ANGEL1: variants seen among roughly 807,000 people sequenced by gnomAD.
The protein encoded by ANGEL1 is angel homolog 1, also known as RNA 2',3'-cyclic phosphatase ANGEL1.
ANGEL1 carries 62 observed loss-of-function variants against 76.4 expected under a neutral mutation model. The ratio of observed to expected loss-of-function variants is 0.81; its 90% CI spans 0.66 to 1.00. The LOEUF (loss-of-function observed/expected upper bound fraction) is 1.00. Among genes scored for constraint, ANGEL1 ranks in the 50% least tolerant of loss-of-function variants. ANGEL1 has a pLI of 0.00. For missense variants in ANGEL1, 737 were observed against 836.7 expected (o/e 0.88, Z 1.47); for synonymous variants, 340 against 331.7 (o/e 1.03, Z -0.27).
rs1894400625 is a variant in ANGEL1 at position 76,791,358 on chromosome 14, C to T, written c.1627G>A (p.Ala543Thr). The change falls in exon 8 of 10, where the codon GCG becomes ACG. Residue 543 changes from alanine (A) to threonine (T), a missense_variant. Transcript: ENST00000251089. ...GVTDTKPERP[A>T]GWAESVLEED... ...TCAAGGACAGACTCAGCCCAACCCGCAGGTCGCTCTGCAGAGGACCAGAGA... is the reference window on the plus strand; with the variant it reads ...TCAAGGACAGACTCAGCCCAACCCGTAGGTCGCTCTGCAGAGGACCAGAGA... 1 of 1,613,950 alleles carries T rather than the reference C, an allele frequency of 6.2e-7. No homozygotes were observed. The highest frequency in any genetic ancestry group is 1.7e-5 in the Admixed American group (1 of 60,004).
intron 1 of ANGEL1, among the ~76,000 whole-genome samples, chr14:76,810,557 A>G (rs1405485758): frequency 1.3e-5 from 2 of 152,234 alleles, no homozygotes; most frequent in South Asian, 2.1e-4. Flanking sequence ...AAAAAGTCCT[A>G]AAGTAGACAG....
chr14:76,795,108 C>A (rs1894538607), intron 7 of ANGEL1, among the ~76,000 whole-genome samples: 1 of 152,054 alleles, frequency 6.6e-6, no homozygotes. Context: ...TTTCTTTAAT[C>A]AAGATGCTGT....
chr14:76,793,437 A>AGG (rs1894479337), intron 7 of ANGEL1, among the ~76,000 whole-genome samples: 2 of 22,692 alleles, frequency 8.8e-5, no homozygotes, highest in African/African-American at 3.6e-4. Flanking sequence ...GAGGAGGAGG[A>AGG]GGAGGGGAGG....
chr14:76,810,761 A>G (rs954109184), intron 1 of ANGEL1, among the ~76,000 whole-genome samples: 11 of 152,250 alleles, frequency 7.2e-5, no homozygotes, highest in African/African-American at 2.7e-4. Flanking sequence ...TGCAGCCACC[A>G]ATGACAGCCA....
At chr14:76,810,182 G>A (rs185584983) in intron 1 of ANGEL1, 1 of 454,782 alleles carries the variant, frequency 2.2e-6, no homozygotes, top group Admixed American at 2.4e-5. Flanking sequence ...TTGGGAGGCA[G>A]AGACAGAGGC....
At chr14:76,811,929 C>T (rs1895099322) in intron 1 of ANGEL1, among the ~76,000 whole-genome samples, 1 of 152,140 alleles carries the variant, frequency 6.6e-6, no homozygotes, top group Non-Finnish European at 1.5e-5. Flanking sequence ...AAAGGAAAAC[C>T]ACAGAATATA....
At chr14:76,796,410 G>A (rs1181746535) in intron 7 of ANGEL1, among the ~76,000 whole-genome samples, 1 of 151,562 alleles carries the variant, frequency 6.6e-6, no homozygotes, top group Non-Finnish European at 1.5e-5. Flanking sequence ...ACTACGCCAG[G>A]CTAATTTTTC....
chr14:76,806,607 G>A lies in ANGEL1; in HGVS notation c.1189C>T (p.Pro397Ser). 2.5e-6 allele frequency: 4 copies of A among 1,614,190 alleles called. No individual in the cohort carries two copies. Among genetic ancestry groups the A allele is most frequent in the Non-Finnish European group, 3.4e-6 (4 of 1,180,034 alleles). ...CVANTHILYNPRRGDVKLAQM... is the reference protein window; with the variant it reads ...CVANTHILYNSRRGDVKLAQM... Reference sequence around the variant, plus strand: ...GCCAGCTTGACATCGCCCCGGCGTGGGTTGTAAAGGATATGGGTATTTGCC... The same window carrying A: ...GCCAGCTTGACATCGCCCCGGCGTGAGTTGTAAAGGATATGGGTATTTGCC... Residue 397 changes from proline (P) to serine (S), a missense_variant, in exon 5 of 10, where the codon CCA (proline) becomes TCA (serine). Coordinates refer to ENST00000251089, the MANE Select transcript of ANGEL1 (RefSeq NM_015305.4).
chr14:76,803,650 T>C, intron 6 of ANGEL1, 136 bp downstream of exon 6: 4 of 1,407,052 alleles, frequency 2.8e-6, no homozygotes, highest in Non-Finnish European at 2.9e-6. Context: ...TGGACAGCCA[T>C]TGGGAGGATA....
Position 76,789,127 on chromosome 14 carries a change from A to G in ANGEL1, c.*101T>C. 13 of 1,443,766 alleles carry G rather than the reference A, an allele frequency of 9.0e-6. No individual in the cohort carries two copies. Among genetic ancestry groups the G allele is most frequent in the Non-Finnish European group, 1.1e-5 (12 of 1,059,404 alleles). The allele number at this position is 1,443,766 out of a possible 1,614,324, so 89.4% of individuals were successfully genotyped here. A position where few individuals can be genotyped will look rare whatever the true frequency, so the allele number is the denominator to read the frequency against. ...CGAGGAGGGGGAAGGGAGGGGATGT[A>G]AGTTTCTTGGATCTAAGTTTCTAGA... On this transcript the variant is annotated 3_prime_UTR_variant, in exon 10 of 10. Coordinates refer to ENST00000251089, the MANE Select transcript of ANGEL1 (RefSeq NM_015305.4).
chr14:76,806,518 G>A lies in ANGEL1; in HGVS notation c.1278C>T (p.Cys426=), dbSNP rs1201944998. Reference sequence around the variant, plus strand: ...TTAGGTCCCCGCACAAGATGATGGGGCAGTGGCTGCCATCTGACAGTCTGG... The same window carrying A: ...TTAGGTCCCCGCACAAGATGATGGGACAGTGGCTGCCATCTGACAGTCTGG... ...KVARLSDGSH[C]PIILCGDLNS... is the part of the protein sequence containing the mutation. Residue 426 remains cysteine, a synonymous_variant, in exon 5 of 10, where the codon TGC becomes TGT. Transcript: ENST00000251089. 1.1e-5 allele frequency: 18 copies of A among 1,614,068 alleles called. No individual in the cohort carries two copies. The highest frequency in any genetic ancestry group is 3.3e-4 in the Middle Eastern group (2 of 6,082).
At chr14:76,792,080 C>T (rs539413563) in intron 7 of ANGEL1, among the ~76,000 whole-genome samples, 1 of 152,110 alleles carries the variant, frequency 6.6e-6, no homozygotes, top group East Asian at 1.9e-4. Flanking sequence ...GCCATCACCA[C>T]CAACCATTTA....
chr14:76,793,411 A>G (rs1894474514), intron 7 of ANGEL1, among the ~76,000 whole-genome samples: 1 of 29,396 alleles, frequency 3.4e-5, no homozygotes, highest in Non-Finnish European at 7.1e-5. Context: ...AGGGGATAAA[A>G]GGAAAGAGGA....
At chr14:76,800,813 A>T (rs2140220844) in intron 7 of ANGEL1, among the ~76,000 whole-genome samples, 1 of 152,234 alleles carries the variant, frequency 6.6e-6, no homozygotes, top group Admixed American at 6.5e-5. Context: ...TCTACTAAAA[A>T]TACAAAAAAA....
Position 76,812,877 on chromosome 14 carries a change from T to TC in ANGEL1, c.-51dup. On this transcript the variant is annotated 5_prime_UTR_variant, in exon 1 of 10. Transcript: ENST00000251089. ...GCTCCTCACTGCAGCCAGCAGGTCC[T>TC]CCCTCAGCTCGGCCCCGCCCCCGGC... 1 of 1,465,202 alleles carries TC rather than the reference T, an allele frequency of 6.8e-7. No individual in the cohort carries two copies. Among genetic ancestry groups the TC allele is most frequent in the Non-Finnish European group, 9.0e-7 (1 of 1,109,470 alleles). The allele number at this position is 1,465,202 out of a possible 1,614,324, so 90.8% of individuals were successfully genotyped here. A position where few individuals can be genotyped will look rare whatever the true frequency, so the allele number is the denominator to read the frequency against.
rs370876261 is a variant in ANGEL1 at position 76,806,651 on chromosome 14, G to A, written c.1145C>T (p.Ser382Leu). The A allele has an allele frequency of 1.7e-5, 28 of 1,613,858 alleles. No homozygotes were observed. The highest frequency in any genetic ancestry group is 3.3e-4 in the Middle Eastern group (2 of 6,084). ...ATTTGCCACACACAGCGGGGCCACC[G>A]AGACTTGTCCCAGGCCTTCTGGGAC... Reference protein sequence around the residue: ...PLVPEGLGQVSVAPLCVANTH... With the variant: ...PLVPEGLGQVLVAPLCVANTH... Residue 382 changes from serine (S) to leucine (L), a missense_variant, in exon 5 of 10, where the codon TCG (serine) becomes TTG (leucine). Around this residue, in one of 2 missense-constraint regions of ANGEL1, gnomAD observed 296 missense variants for 387.2 expected, o/e 0.76. Coordinates refer to ENST00000251089, the MANE Select transcript of ANGEL1 (RefSeq NM_015305.4).
chr14:76,791,690 CCT>C (rs1455956180), intron 7 of ANGEL1, among the ~76,000 whole-genome samples: 1 of 152,074 alleles, frequency 6.6e-6, no homozygotes, highest in Admixed American at 6.5e-5. Context: ...GTGAAGTTTC[CCT>C]CTCACTTGTC....
intron 8 of ANGEL1, 76 bp downstream of exon 8, chr14:76,791,221 G>A: frequency 6.6e-7 from 1 of 1,516,296 alleles, no homozygotes; most frequent in Non-Finnish European, 9.1e-7. Flanking sequence ...TCAACCTCAG[G>A]ACAACCAATG....
At position 76,808,036 on chromosome 14, in the gene ANGEL1, A is replaced by C; in HGVS notation, c.762T>G (p.Ala254=). 4.3e-6 allele frequency: 7 copies of C among 1,614,182 alleles called. No individual in the cohort carries two copies. Among genetic ancestry groups the C allele is most frequent in the Non-Finnish European group, 5.9e-6 (7 of 1,180,036 alleles). The change falls in exon 3 of 10, where the codon GCT becomes GCG. Residue 254 remains alanine (A), a synonymous_variant. Transcript: ENST00000251089. ...CTGAGCTCTGCTGCATCAGGTCCTG[A>C]GCCAGGATGTTATAAGACATCAGAG... is the stretch of plus-strand genomic sequence containing the variant. ...QFTLMSYNIL[A]QDLMQQSSEL... is the part of the protein sequence containing the mutation.
Sources: allele counts gnomAD v4.1 joint callset (sites outside exome capture counted in the v4.1 genomes callset), GRCh38; gene constraint gnomAD v4.1.1; regional missense constraint gnomAD v4.1.1; transcripts MANE v1.5; gene names NCBI Gene and HGNC (gene_info 2026-07-23, HGNC 2026-07-21).